DLG2: variants seen among roughly 807,000 people sequenced by gnomAD.
DLG2 encodes the protein discs large MAGUK scaffold protein 2.
In DLG2, 45 loss-of-function variants were observed where a neutral mutation model predicts 132.5. That is an observed-to-expected ratio of 0.34 (90% confidence interval 0.27 to 0.44). The LOEUF (loss-of-function observed/expected upper bound fraction) is 0.44. Among genes scored for constraint, DLG2 ranks in the 20% least tolerant of loss-of-function variants. The pLI, the probability that DLG2 is intolerant of heterozygous loss-of-function variation, is 1.00. For synonymous variants in DLG2, 424 were observed against 419.6 expected (o/e 1.01, Z -0.13); for missense variants, 1,045 against 1,196.9 (o/e 0.87, Z 1.87).
chr11:83,834,977 T>C (rs970236001), intron 16 of DLG2, among the ~76,000 whole-genome samples: 1 of 152,190 alleles, frequency 6.6e-6, no homozygotes, highest in Non-Finnish European at 1.5e-5. Context: ...TTTATACTAA[T>C]GGCTACACAA....
rs58934857 is a variant in DLG2 at position 84,203,581 on chromosome 11, C to CA, written c.574-40071dup. Among the ~76,000 whole-genome samples the CA allele has an allele frequency of 7.9e-3, 782 of 99,386 alleles. 36 individuals are homozygous for CA. Among genetic ancestry groups the CA allele is most frequent in the African/African-American group, 0.027 (625 of 23,526 alleles). 65.2% of individuals were successfully genotyped at this position (99,386 alleles called of 152,430 possible). ...CGGGCAACAGAGCGAGACTCCGTCT[C>CA]AAAAAAAAAAAAAAAAAAGGAATGA... is the stretch of plus-strand genomic sequence containing the variant. On this transcript the variant is annotated intron_variant, in intron 8 of 27. Coordinates refer to ENST00000376104, the MANE Select transcript of DLG2 (RefSeq NM_001142699.3).
intron 10 of DLG2, among the ~76,000 whole-genome samples, chr11:84,068,789 T>C (rs1206582354): frequency 6.6e-6 from 1 of 152,206 alleles, no homozygotes; most frequent in Non-Finnish European, 1.5e-5. Flanking sequence ...ATATACTATG[T>C]TATATAGTCT....
At chr11:84,564,424 T>C (rs533730336) in intron 6 of DLG2, among the ~76,000 whole-genome samples, 2 of 152,086 alleles carry the variant, frequency 1.3e-5, no homozygotes, top group Non-Finnish European at 2.9e-5. Context: ...TTTAAACCCT[T>C]GAAAGATCCC....
At chr11:83,926,007 T>C (rs1262366983) in intron 15 of DLG2, among the ~76,000 whole-genome samples, 1 of 152,180 alleles carries the variant, frequency 6.6e-6, no homozygotes, top group Admixed American at 6.6e-5. Context: ...TTCTTGCTTC[T>C]GCAAGCATTA....
At chr11:83,618,797 A>C (rs899059239) in intron 19 of DLG2, among the ~76,000 whole-genome samples, 1 of 152,192 alleles carries the variant, frequency 6.6e-6, no homozygotes, top group African/African-American at 2.4e-5. Context: ...CAACAAAAAT[A>C]CAGCTTTGCT....
chr11:83,530,012 A>C (rs968565812), intron 21 of DLG2, among the ~76,000 whole-genome samples: 1 of 152,080 alleles, frequency 6.6e-6, no homozygotes, highest in African/African-American at 2.4e-5. Flanking sequence ...TGTCCTTCTA[A>C]AGTTCTAGTC....
intron 6 of DLG2, among the ~76,000 whole-genome samples, chr11:85,005,447 C>T (rs1224456107): frequency 6.6e-6 from 1 of 152,116 alleles, no homozygotes; most frequent in Non-Finnish European, 1.5e-5. Context: ...CTTCACATCC[C>T]TTGTAAGTTG....
At chr11:85,184,743 A>G (rs1360581642) in intron 4 of DLG2, among the ~76,000 whole-genome samples, 2 of 151,846 alleles carry the variant, frequency 1.3e-5, no homozygotes, top group Non-Finnish European at 2.9e-5. Context: ...TTAGACCACT[A>G]TTTTTCATGT....
chr11:85,210,232 G>C (rs2082170728), intron 4 of DLG2, among the ~76,000 whole-genome samples: 1 of 152,048 alleles, frequency 6.6e-6, no homozygotes, highest in African/African-American at 2.4e-5. Context: ...TTAGGATATA[G>C]GAGGCAGGTA....
intron 3 of DLG2, among the ~76,000 whole-genome samples, chr11:85,370,508 A>G (rs1283200393): frequency 6.6e-6 from 1 of 152,256 alleles, no homozygotes; most frequent in East Asian, 1.9e-4. Context: ...AAATAAATGC[A>G]TAACAAGGTT....
intron 9 of DLG2, among the ~76,000 whole-genome samples, chr11:84,153,374 C>G (rs2095350964): frequency 6.6e-6 from 1 of 152,024 alleles, no homozygotes; most frequent in East Asian, 1.9e-4. Context: ...CTTGAATTTG[C>G]CTGTCAACCT....
intron 7 of DLG2, among the ~76,000 whole-genome samples, chr11:84,513,371 T>C (rs535615748): frequency 5.9e-5 from 9 of 151,974 alleles, no homozygotes; most frequent in Admixed American, 1.3e-4. Flanking sequence ...AGACCCAGAA[T>C]AGCCAAAACT....
rs951619391 is a variant in DLG2 at position 84,663,243 on chromosome 11, A to T, written c.358-128512T>A. 7.7e-5 allele frequency among the ~76,000 whole-genome samples: 5 copies of T among 65,280 alleles called. No individual in the cohort carries two copies. The South Asian group carries it at 1.1e-3, about 15-fold the overall frequency. 42.8% of individuals were successfully genotyped at this position (65,280 alleles called of 152,430 possible). On this transcript the variant is annotated intron_variant, in intron 6 of 27. Coordinates refer to ENST00000376104, the MANE Select transcript of DLG2 (RefSeq NM_001142699.3). ...GCCTTTACAGGTTATATATATATATATATATATTTTTTTTTCATATATTCT... is the reference window on the plus strand; with the variant it reads ...GCCTTTACAGGTTATATATATATATTTATATATTTTTTTTTCATATATTCT...
chr11:84,777,281 G>GTATATATATATATATA (rs71036441), intron 6 of DLG2, among the ~76,000 whole-genome samples: 1 of 95,032 alleles, frequency 1.1e-5, no homozygotes, highest in Non-Finnish European at 2.0e-5. Context: ...ATGTGTGTGT[G>GTATATATATATATATA]TATATATATA....
chr11:84,711,953 G>A (rs537684464), intron 6 of DLG2, among the ~76,000 whole-genome samples: 18 of 151,954 alleles, frequency 1.2e-4, no homozygotes, highest in African/African-American at 4.1e-4. Context: ...ATATAATATG[G>A]CTCCTGCCCC....
chr11:83,710,506 A>T (rs1364206413), intron 18 of DLG2, among the ~76,000 whole-genome samples: 1 of 152,168 alleles, frequency 6.6e-6, no homozygotes, highest in African/African-American at 2.4e-5. Context: ...GAAGCGGATA[A>T]TTTTAGTATA....
At chr11:84,118,270 A>T (rs1306082127) in intron 9 of DLG2, among the ~76,000 whole-genome samples, 3 of 152,176 alleles carry the variant, frequency 2.0e-5, no homozygotes, top group African/African-American at 4.8e-5. Context: ...TGAAGAAGAA[A>T]AAATTTGTTC....
chr11:85,135,746 A>G (rs1422181417), intron 5 of DLG2, among the ~76,000 whole-genome samples: 1 of 152,188 alleles, frequency 6.6e-6, no homozygotes, highest in African/African-American at 2.4e-5. Context: ...TTAACTCTTT[A>G]TTTCCATTGC....
chr11:84,624,958 C>A (rs969626467), intron 6 of DLG2, among the ~76,000 whole-genome samples: 2 of 143,028 alleles, frequency 1.4e-5, no homozygotes, highest in Admixed American at 7.0e-5. Flanking sequence ...CCCGGGTTCA[C>A]GCCATTCTCC....
Sources: gnomAD v4.1 joint callset for allele counts (sites outside exome capture counted in the v4.1 genomes callset) on GRCh38, gnomAD v4.1.1 for gene constraint, MANE v1.5 for transcripts, NCBI Gene and HGNC (gene_info 2026-07-23, HGNC 2026-07-21) for gene names.